Variants in ZFHX3 observed in about 807,000 individuals in gnomAD.
The protein encoded by ZFHX3 is zinc finger homeobox protein 3.
A neutral mutation model predicts 279.1 loss-of-function variants in ZFHX3; 42 were observed. That is an observed-to-expected ratio of 0.15 (90% CI 0.12 to 0.19). The LOEUF (loss-of-function observed/expected upper bound fraction) is 0.19. ZFHX3 is among the 10% of genes least tolerant of loss of function. The pLI, the probability that ZFHX3 is intolerant of heterozygous loss-of-function variation, is 1.00. For synonymous variants in ZFHX3, 2,293 were observed against 1,957.8 expected (o/e 1.17, Z -4.52); for missense variants, 4,981 against 4,754.0 (o/e 1.05, Z -1.40).
At chr16:73,164,018 G>A (rs1967302943) in intron 5 of ZFHX3, among the ~76,000 whole-genome samples, 2 of 152,132 alleles carry the variant, frequency 1.3e-5, no homozygotes, top group South Asian at 2.1e-4. Context: ...CTGGCTGTAG[G>A]TGGAAAGCCT....
intron 1 of ZFHX3, among the ~76,000 whole-genome samples, chr16:73,742,398 C>G (rs396842): frequency 0.85 from 128,738 of 152,192 alleles, 54,616 homozygotes; most frequent in African/African-American, 0.92. Flanking sequence ...GTTTCCACTA[C>G]ATTCTCATAA....
intron 3 of ZFHX3, among the ~76,000 whole-genome samples, chr16:73,348,690 C>T (rs1047033924): frequency 1.3e-5 from 2 of 152,228 alleles, no homozygotes; most frequent in East Asian, 1.9e-4. Context: ...CACACTCACA[C>T]GTTCTTTGCA....
At chr16:72,897,943 G>C (rs1232375599) in intron 3 of ZFHX3, among the ~76,000 whole-genome samples, 1 of 152,134 alleles carries the variant, frequency 6.6e-6, no homozygotes, top group Non-Finnish European at 1.5e-5. Context: ...AGACTGCAGG[G>C]GGTTCTGGAA....
intron 3 of ZFHX3, among the ~76,000 whole-genome samples, chr16:73,439,618 T>C (rs1367555456): frequency 6.6e-6 from 1 of 152,138 alleles, no homozygotes; most frequent in East Asian, 1.9e-4. Flanking sequence ...ATTTTTCCCA[T>C]TAGTGTTTAT....
chr16:73,213,666 A>T (rs778508037), intron 5 of ZFHX3, among the ~76,000 whole-genome samples: 4 of 152,164 alleles, frequency 2.6e-5, no homozygotes, highest in Non-Finnish European at 4.4e-5. Context: ...TGAAACTTGA[A>T]GGTGTATTTA....
intron 1 of ZFHX3, among the ~76,000 whole-genome samples, chr16:72,969,536 C>A (rs1210010351): frequency 6.6e-6 from 1 of 151,702 alleles, no homozygotes; most frequent in Admixed American, 6.6e-5. Flanking sequence ...TCCAGCAGCC[C>A]CCAGAGTGTG....
intron 4 of ZFHX3, among the ~76,000 whole-genome samples, chr16:73,295,386 G>C (rs1431465325): frequency 6.6e-6 from 1 of 152,152 alleles, no homozygotes; most frequent in Non-Finnish European, 1.5e-5. Flanking sequence ...GTAGTGGCTG[G>C]GCATTTGCTG....
intron 1 of ZFHX3, among the ~76,000 whole-genome samples, chr16:73,690,134 C>T (rs2053134330): frequency 6.6e-6 from 1 of 152,146 alleles, no homozygotes; most frequent in Non-Finnish European, 1.5e-5. Context: ...CCAGACTGAT[C>T]TCGAACTCCT....
chr16:72,940,469 C>A (rs1169712437), intron 3 of ZFHX3, among the ~76,000 whole-genome samples: 1 of 152,092 alleles, frequency 6.6e-6, no homozygotes, highest in Non-Finnish European at 1.5e-5. Flanking sequence ...CCACCCAGAA[C>A]CCAGACTTCT....
chr16:72,951,037 A>AG, intron 2 of ZFHX3, 72 bp from the exon 3 acceptor site: 2 of 1,551,026 alleles, frequency 1.3e-6, no homozygotes, highest in South Asian at 2.4e-5. Context: ...GGCACCCCCC[A>AG]GCCCTCCGCC....
chr16:72,960,340 G>T, intron 1 of ZFHX3, 146 bp from the exon 2 acceptor site: 1 of 601,876 alleles, frequency 1.7e-6, no homozygotes, highest in Non-Finnish European at 2.6e-6. Flanking sequence ...AGGGCGGAGG[G>T]CGGGCCTGGG....
chr16:72,800,573 CA>C (rs2036066690), intron 7 of ZFHX3, among the ~76,000 whole-genome samples: 1 of 152,028 alleles, frequency 6.6e-6, no homozygotes, highest in South Asian at 2.1e-4. Flanking sequence ...GTACTGTTTT[CA>C]GAACGTATTC....
Position 73,770,317 on chromosome 16 carries a change from T to C in ZFHX3, c.-1607-90077A>G, listed in dbSNP as rs559179043. Among the ~76,000 whole-genome samples the C allele has an allele frequency of 2.6e-5, 4 of 152,150 alleles. No individual in the cohort carries two copies. In the South Asian group the frequency reaches 6.2e-4, roughly 24 times the overall value. ...AAAGAATGGGGACAGTCACAGAAGG[T>C]GGAAAAAGAGAAGACACAGATTCTC... On this transcript the variant is annotated intron_variant, in intron 1 of 17. Transcript: ENST00000641206.
intron 1 of ZFHX3, among the ~76,000 whole-genome samples, chr16:72,990,646 A>C (rs1288739849): frequency 6.6e-6 from 1 of 152,174 alleles, no homozygotes; most frequent in African/African-American, 2.4e-5. Context: ...AATGTACCCA[A>C]CAGGCAGATA....
chr16:73,381,049 T>TA (rs2016810844), intron 3 of ZFHX3, among the ~76,000 whole-genome samples: 1 of 152,188 alleles, frequency 6.6e-6, no homozygotes, highest in Non-Finnish European at 1.5e-5. Context: ...TTTTACTAGT[T>TA]AAAAATCTTA....
intron 1 of ZFHX3, among the ~76,000 whole-genome samples, chr16:73,682,711 C>T (rs2053023639): frequency 1.3e-5 from 2 of 151,358 alleles, no homozygotes; most frequent in Non-Finnish European, 1.5e-5. Flanking sequence ...CACCTGAACC[C>T]AGGAGGTGGA....
intron 2 of ZFHX3, among the ~76,000 whole-genome samples, chr16:73,519,026 T>C (rs1283532892): frequency 6.6e-6 from 1 of 152,212 alleles, no homozygotes; most frequent in Non-Finnish European, 1.5e-5. Flanking sequence ...AATGTGAATT[T>C]CCCAAGTCAT....
At chr16:73,004,110 ATC>A (rs1963607245) in intron 1 of ZFHX3, among the ~76,000 whole-genome samples, 1 of 140,654 alleles carries the variant, frequency 7.1e-6, no homozygotes, top group Non-Finnish European at 1.5e-5. Flanking sequence ...TTGCCCATTT[ATC>A]TCTTTTTATT....
chr16:73,414,605 A>T (rs577782104), intron 3 of ZFHX3, among the ~76,000 whole-genome samples: 1 of 152,356 alleles, frequency 6.6e-6, no homozygotes, highest in South Asian at 2.1e-4. Context: ...AGAGGCCAAG[A>T]TGAGAGAATT....
Sources: gnomAD v4.1 joint callset for allele counts (sites outside exome capture counted in the v4.1 genomes callset) on GRCh38, gnomAD v4.1.1 for gene constraint, MANE v1.5 for transcripts, NCBI Gene and HGNC (gene_info 2026-07-23, HGNC 2026-07-21) for gene names.